Variants in SLC20A2 observed in about 807,000 individuals in gnomAD.
SLC20A2 encodes sodium-dependent phosphate transporter 2.
In SLC20A2, 30 loss-of-function variants were observed where a neutral mutation model predicts 61.0. The observed-to-expected ratio is 0.49, with a 90% CI of 0.37 to 0.67. The LOEUF is 0.67. Ranked by LOEUF, SLC20A2 falls within the 30% of genes least tolerant of loss-of-function variation. The probability of loss-of-function intolerance (pLI) is 0.00; values close to 1 mark genes in which losing one functional copy is unlikely to be tolerated. For missense variants in SLC20A2, 626 were observed against 866.4 expected, an observed-to-expected ratio of 0.72 and a Z score of 3.48; for synonymous variants, 351 against 353.3, an observed-to-expected ratio of 0.99 and a Z score of 0.07.
intron 5 of SLC20A2, among the ~76,000 whole-genome samples, chr8:42,447,111 G>A (rs1422826963): frequency 6.6e-6 from 1 of 152,036 alleles, no homozygotes; most frequent in Non-Finnish European, 1.5e-5. Flanking sequence ...GGAAGCTGAG[G>A]TGAGAGGATC....
intron 1 of SLC20A2, among the ~76,000 whole-genome samples, chr8:42,498,189 T>C (rs1711524419): frequency 6.6e-6 from 1 of 152,222 alleles, no homozygotes; most frequent in Non-Finnish European, 1.5e-5. Context: ...ATAATAGTTT[T>C]AGGTGCAAGT....
At chr8:42,445,897 C>A (rs572851172) in intron 5 of SLC20A2, among the ~76,000 whole-genome samples, 1 of 152,230 alleles carries the variant, frequency 6.6e-6, no homozygotes, top group Non-Finnish European at 1.5e-5. Flanking sequence ...CTACTTTAAA[C>A]GGACATGTGC....
At chr8:42,517,901 C>T (rs1586253903) in intron 1 of SLC20A2, among the ~76,000 whole-genome samples, 1 of 152,204 alleles carries the variant, frequency 6.6e-6, no homozygotes, top group African/African-American at 2.4e-5. Flanking sequence ...GTTGTATGTA[C>T]AAAAACATTG....
intron 5 of SLC20A2, among the ~76,000 whole-genome samples, chr8:42,451,468 G>C (rs1005877320): frequency 1.3e-5 from 2 of 149,768 alleles, no homozygotes; most frequent in African/African-American, 4.9e-5. Flanking sequence ...AAGAGGAAGA[G>C]ATAAAGAGGA....
intron 3 of SLC20A2, 102 bp from the exon 4 acceptor site, chr8:42,463,192 A>G (rs1442492784): frequency 2.4e-5 from 16 of 657,928 alleles, no homozygotes; most frequent in African/African-American, 1.1e-4. Context: ...ACATACATTC[A>G]TAAGTATTTC....
intron 1 of SLC20A2, among the ~76,000 whole-genome samples, chr8:42,513,752 G>A (rs1811156906): frequency 6.6e-6 from 1 of 152,100 alleles, no homozygotes; most frequent in Non-Finnish European, 1.5e-5. Flanking sequence ...TGGAAGACAG[G>A]TATATAAATA....
intron 2 of SLC20A2, 125 bp from the exon 3 acceptor site, chr8:42,466,042 T>A: frequency 2.4e-6 from 2 of 844,276 alleles, no homozygotes; most frequent in Non-Finnish European, 3.5e-6. Context: ...ATTGTTTCTT[T>A]ACAAAGCGCT....
At chr8:42,504,847 C>T (rs1249702454), upstream of SLC20A2, among the ~76,000 whole-genome samples, 9 of 37,366 alleles carry the variant, frequency 2.4e-4, no homozygotes, top group Admixed American at 4.2e-4. Flanking sequence ...AGCAAGACTC[C>T]GTCTCAAAAA....
intron 1 of SLC20A2, among the ~76,000 whole-genome samples, chr8:42,500,433 C>T (rs1335566697): frequency 2.0e-5 from 3 of 152,192 alleles, no homozygotes; most frequent in Non-Finnish European, 4.4e-5. Flanking sequence ...TGATAACTAA[C>T]TCAGTCTAAA....
At position 42,439,603 on chromosome 8, in the gene SLC20A2, T is replaced by C. The variant is rs776487207; in HGVS notation, c.781A>G (p.Ser261Gly). ...GGGGACTCTGCTTCCTGAACCTTAC[T>C]GAGGCTTTCGTCAGATACTCGTGAT... ...ALSRVSDESL[S>G]KVQEAESPVF... The change falls in exon 7 of 11, where the codon AGT becomes GGT. Residue 261 changes from serine (S) to glycine (G), a missense_variant. Coordinates refer to ENST00000520262, the MANE Select transcript of SLC20A2 (RefSeq NM_001257180.2). 7 of 1,614,254 alleles carry C rather than the reference T, an allele frequency of 4.3e-6. No individual in the cohort carries two copies. In the South Asian group the frequency reaches 5.5e-5, roughly 13 times the overall value.
chr8:42,485,849 G>A (rs544969321), intron 1 of SLC20A2, among the ~76,000 whole-genome samples: 2 of 151,888 alleles, frequency 1.3e-5, no homozygotes, highest in South Asian at 4.2e-4. Flanking sequence ...GAGAGGCTGA[G>A]GCAGGAGAAT....
At chr8:42,456,731 CAAAAAAAAAA>C (rs986357542) in intron 5 of SLC20A2, among the ~76,000 whole-genome samples, 3 of 58,554 alleles carry the variant, frequency 5.1e-5, no homozygotes, top group Admixed American at 3.5e-4. Flanking sequence ...GACTCTGTCT[CAAAAAAAAAA>C]AAAAAAAAAA....
intron 10 of SLC20A2, among the ~76,000 whole-genome samples, chr8:42,428,323 C>A (rs1386627838): frequency 6.6e-6 from 1 of 152,242 alleles, no homozygotes; most frequent in Admixed American, 6.5e-5. Flanking sequence ...AGGAACAAAA[C>A]CAGAAACAAC....
chr8:42,435,883 G>A (rs762297908), intron 8 of SLC20A2, among the ~76,000 whole-genome samples: 4 of 152,162 alleles, frequency 2.6e-5, no homozygotes, highest in Non-Finnish European at 4.4e-5. Context: ...TTGGGAGGCT[G>A]AGGTGGGCGG....
chr8:42,440,903 C>T (rs544445211), intron 6 of SLC20A2, among the ~76,000 whole-genome samples: 21 of 152,270 alleles, frequency 1.4e-4, no homozygotes, highest in Admixed American at 8.5e-4. Flanking sequence ...CGCGTTCAAG[C>T]GATTCTCCTG....
upstream of SLC20A2, chr8:42,501,376 A>T (rs1173118282): frequency 6.6e-6 from 1 of 152,192 alleles, no homozygotes; most frequent in Non-Finnish European, 1.5e-5. Flanking sequence ...AATAATACTA[A>T]CTTCTTTTAA....
intron 1 of SLC20A2, among the ~76,000 whole-genome samples, chr8:42,475,391 T>C: frequency 7.8e-6 from 1 of 128,934 alleles, no homozygotes. Context: ...TGAGATACCA[T>C]GCCCGGCCCA....
chr8:42,417,815 A>G lies in SLC20A2; in HGVS notation c.1947T>C (p.Leu649=), dbSNP rs1802769850. 6.2e-7 allele frequency: 1 copy of G among 1,613,970 alleles called. No individual in the cohort carries two copies. The highest frequency in any genetic ancestry group is 8.5e-7 in the Non-Finnish European group (1 of 1,179,982). The part of the protein sequence containing the change: ...AVMALLMYGI[L]PYV The stretch of plus-strand genomic sequence containing the variant: ...GGAAGAAGACAAATCACACATATGG[A>G]AGGATCCCATACATGAGAAGAGCCA... Residue 649 remains leucine, a synonymous_variant, in exon 11 of 11, where the codon CTT becomes CTC. Transcript: ENST00000520262.
intron 1 of SLC20A2, among the ~76,000 whole-genome samples, chr8:42,530,397 T>G (rs571229002): frequency 6.6e-6 from 1 of 152,202 alleles, no homozygotes. Flanking sequence ...TATAACCCAG[T>G]GTTGGGATTA....
Sources: allele counts gnomAD v4.1 joint callset (sites outside exome capture counted in the v4.1 genomes callset), GRCh38; gene constraint gnomAD v4.1.1; transcripts MANE v1.5; gene names NCBI Gene and HGNC (gene_info 2026-07-23, HGNC 2026-07-21).